TSC22D1: variants seen among roughly 807,000 people sequenced by gnomAD.
The protein encoded by TSC22D1 is TSC22 domain family member 1.
A neutral mutation model predicts 74.2 loss-of-function variants in TSC22D1; 9 were observed. The observed-to-expected ratio is 0.12, with a 90% confidence interval of 0.07 to 0.21. The LOEUF (loss-of-function observed/expected upper bound fraction) is 0.21. Ranked by LOEUF, TSC22D1 falls within the 10% of genes least tolerant of loss-of-function variation. The probability of loss-of-function intolerance (pLI) is 1.00; values close to 1 mark genes in which losing one functional copy is unlikely to be tolerated. For missense variants in TSC22D1, 1,427 were observed against 1,304.7 expected (o/e 1.09, Z -1.44); for synonymous variants, 586 against 492.5 (o/e 1.19, Z -2.51).
chr13:44,434,259 G>A lies in TSC22D1; in HGVS notation c.*367C>T. The A allele has an allele frequency of 3.6e-6, 5 of 1,399,626 alleles. No individual in the cohort carries two copies. Among genetic ancestry groups the A allele is most frequent in the Non-Finnish European group, 4.6e-6 (5 of 1,089,102 alleles). The allele number at this position is 1,399,626 out of a possible 1,614,324, so 86.7% of individuals were successfully genotyped here. A position where few individuals can be genotyped will look rare whatever the true frequency, so the allele number is the denominator to read the frequency against. ...TCCATCGCTTCACAACCCCATGTAG[G>A]ACACTAAGCGCAAGCAGGAGAGAGA... On this transcript the variant is annotated 3_prime_UTR_variant, in exon 3 of 3. Transcript: ENST00000458659.
At chr13:44,510,048 T>G (rs1360088814) in intron 1 of TSC22D1, among the ~76,000 whole-genome samples, 1 of 150,594 alleles carries the variant, frequency 6.6e-6, no homozygotes, top group African/African-American at 2.4e-5. Context: ...GTCAAGGCCC[T>G]TTGGAAAAGG....
intron 1 of TSC22D1, among the ~76,000 whole-genome samples, chr13:44,565,349 T>C (rs963309802): frequency 6.6e-6 from 1 of 151,590 alleles, no homozygotes; most frequent in African/African-American, 2.4e-5. Context: ...AAACGCAAAA[T>C]AGAGTGTTTC....
intron 1 of TSC22D1, among the ~76,000 whole-genome samples, chr13:44,464,135 G>A (rs1877140087): frequency 6.6e-6 from 1 of 152,160 alleles, no homozygotes; most frequent in Admixed American, 6.5e-5. Context: ...GATCCTCATT[G>A]TTTTAAGCCA....
chr13:44,450,227 C>G (rs1876010612), intron 1 of TSC22D1, among the ~76,000 whole-genome samples: 1 of 152,156 alleles, frequency 6.6e-6, no homozygotes, highest in Admixed American at 6.5e-5. Flanking sequence ...AAGCAGCATG[C>G]TGAGTTTGGA....
At chr13:44,475,413 A>G (rs1236844632) in intron 1 of TSC22D1, among the ~76,000 whole-genome samples, 3 of 151,660 alleles carry the variant, frequency 2.0e-5, no homozygotes, top group African/African-American at 7.3e-5. Context: ...AAGGATTTCA[A>G]GGAAACTGGC....
intron 1 of TSC22D1, among the ~76,000 whole-genome samples, chr13:44,440,301 G>A (rs1180706015): frequency 1.3e-5 from 2 of 152,176 alleles, no homozygotes; most frequent in South Asian, 2.1e-4. Flanking sequence ...GGCCGGGCGC[G>A]AGCGCGATGG....
intron 1 of TSC22D1, among the ~76,000 whole-genome samples, chr13:44,528,957 T>C (rs372358264): frequency 6.6e-6 from 1 of 152,092 alleles, no homozygotes; most frequent in Non-Finnish European, 1.5e-5. Flanking sequence ...TAGGCCCATA[T>C]CTATTAAAGA....
At chr13:44,467,555 A>G (rs189674266) in intron 1 of TSC22D1, among the ~76,000 whole-genome samples, 1 of 152,354 alleles carries the variant, frequency 6.6e-6, no homozygotes, top group Admixed American at 6.5e-5. Flanking sequence ...CAAGAAAAAA[A>G]AATAACTCCG....
Position 44,575,008 on chromosome 13 carries a change from G to T in TSC22D1, c.1067C>A (p.Thr356Asn). 6.2e-7 allele frequency: 1 copy of T among 1,614,032 alleles called. No homozygotes were observed. Among genetic ancestry groups the T allele is most frequent in the Non-Finnish European group, 8.5e-7 (1 of 1,180,014 alleles). Residue 356 changes from threonine to asparagine, a missense_variant, in exon 1 of 3, where the codon ACC (threonine) becomes AAC (asparagine). By Grantham distance (65) the Thr-to-Asn change is moderately conservative. Coordinates refer to ENST00000458659, the MANE Select transcript of TSC22D1 (RefSeq NM_183422.4). The stretch of plus-strand genomic sequence containing the variant: ...CAAGATATTCACATTAACACCACTG[G>T]TAACTCCAGGCCCAACACTCACACC... ...AAGVSVGPGV[T>N]SGVNVNILSG... is the part of the protein sequence containing the mutation.
chr13:44,512,336 AT>A (rs1160828717), intron 1 of TSC22D1, among the ~76,000 whole-genome samples: 1 of 151,246 alleles, frequency 6.6e-6, no homozygotes, highest in Non-Finnish European at 1.5e-5. Context: ...CGCCCGGCTA[AT>A]TTTTTGTATT....
chr13:44,515,500 C>G (rs944383491), intron 1 of TSC22D1, among the ~76,000 whole-genome samples: 6 of 151,590 alleles, frequency 4.0e-5, no homozygotes, highest in Non-Finnish European at 5.9e-5. Context: ...TGCAGTGGCA[C>G]AATCTCGGTT....
intron 1 of TSC22D1, among the ~76,000 whole-genome samples, chr13:44,570,441 C>G (rs1883682515): frequency 6.6e-6 from 1 of 152,142 alleles, no homozygotes; most frequent in South Asian, 2.1e-4. Flanking sequence ...ATCTGCCCAC[C>G]TCAGCCTCCC....
chr13:44,576,606 T>G (rs2138279275), upstream of TSC22D1: 1 of 152,738 alleles, frequency 6.5e-6, no homozygotes, highest in Admixed American at 6.5e-5. Flanking sequence ...TCAGTGTCGC[T>G]CAAACCTCCC....
chr13:44,471,862 G>C (rs1877624817), intron 1 of TSC22D1, among the ~76,000 whole-genome samples: 1 of 152,114 alleles, frequency 6.6e-6, no homozygotes, highest in Admixed American at 6.5e-5. Flanking sequence ...ATATTAAGTG[G>C]AAAATTCCAG....
At position 44,483,660 on chromosome 13, in the gene TSC22D1, TC is replaced by T. The variant is rs1215965733; in HGVS notation, c.2913-47566del. ...TCCAGCCTGGGCGACAGAGCGAGAC[TC>T]CGTCTCAAAAAAAAAAAAAAAAAGA... On this transcript the variant is annotated intron_variant, in intron 1 of 2. Transcript: ENST00000458659. Among the ~76,000 whole-genome samples, 24 of 140,616 alleles carry T rather than the reference TC, an allele frequency of 1.7e-4. 1 individual carries two copies. The Middle Eastern group carries it at 0.019, about 114-fold the overall frequency. 92.2% of individuals were successfully genotyped at this position (140,616 alleles called of 152,430 possible).
At chr13:44,516,906 T>C (rs1431875199) in intron 1 of TSC22D1, among the ~76,000 whole-genome samples, 1 of 152,204 alleles carries the variant, frequency 6.6e-6, no homozygotes, top group African/African-American at 2.4e-5. Flanking sequence ...AAGAAAGGGA[T>C]AGCAGTCTCT....
intron 1 of TSC22D1, chr13:44,436,383 A>C: frequency 7.7e-7 from 1 of 1,303,994 alleles, no homozygotes; most frequent in Non-Finnish European, 1.1e-6. Context: ...TCGAAAAACA[A>C]CATCCATGTC....
At chr13:44,551,310 G>GGGGGTGTGTGT (rs1555272439) in intron 1 of TSC22D1, among the ~76,000 whole-genome samples, 1 of 132,776 alleles carries the variant, frequency 7.5e-6, no homozygotes, top group African/African-American at 2.9e-5. Context: ...ATCAGCTGGG[G>GGGGGTGTGTGT]GTGTGTGTGT....
intron 1 of TSC22D1, among the ~76,000 whole-genome samples, chr13:44,448,915 G>GTGTA (rs1302499501): frequency 6.7e-6 from 1 of 150,222 alleles, no homozygotes; most frequent in Middle Eastern, 3.2e-3. Flanking sequence ...GTGTGTGTGT[G>GTGTA]TAAGATGTTA....
Sources: gnomAD v4.1 joint callset for allele counts (sites outside exome capture counted in the v4.1 genomes callset) on GRCh38, gnomAD v4.1.1 for gene constraint, MANE v1.5 for transcripts, NCBI Gene and HGNC (gene_info 2026-07-23, HGNC 2026-07-21) for gene names.